F8: variants seen among roughly 807,000 people sequenced by gnomAD.
F8 encodes coagulation factor VIII, also known as antihemophilic factor.
In F8, 12 loss-of-function variants were observed where a neutral mutation model predicts 140.6. The observed-to-expected ratio is 0.09, with a 90% CI of 0.05 to 0.14. The LOEUF is 0.14. F8 is among the 10% of genes least tolerant of loss of function. The pLI is 1.00. For missense variants in F8, 1,354 were observed against 1,720.7 expected, an observed-to-expected ratio of 0.79 and a Z score of 3.77; for synonymous variants, 585 against 614.6, an observed-to-expected ratio of 0.95 and a Z score of 0.71.
intron 22 of F8, among the ~76,000 whole-genome samples, chrX:154,893,849 ATC>A (rs2072964133): frequency 8.9e-6 from 1 of 111,928 alleles, no homozygotes; most frequent in African/African-American, 3.2e-5. Flanking sequence ...ACTGTAAAGA[ATC>A]TCTATTAACA....
intron 13 of F8, among the ~76,000 whole-genome samples, chrX:154,937,310 G>A (rs1557279309): frequency 9.1e-6 from 1 of 109,661 alleles, no homozygotes; most frequent in African/African-American, 3.3e-5. Flanking sequence ...ATGACCTGAT[G>A]AACAAAGCAA....
intron 13 of F8, among the ~76,000 whole-genome samples, chrX:154,935,043 G>A (rs1182468880): frequency 9.1e-6 from 1 of 110,037 alleles, no homozygotes; most frequent in East Asian, 2.9e-4. Context: ...CATGCCTGTA[G>A]TCCCACTACT....
chrX:154,994,121 G>A (rs1303050810), intron 3 of F8, among the ~76,000 whole-genome samples: 1 of 112,319 alleles, frequency 8.9e-6, no homozygotes, highest in East Asian at 2.8e-4. Context: ...TTGAAAGACA[G>A]ATATATTTGT....
At chrX:154,995,381 A>T (rs2073611116) in intron 3 of F8, among the ~76,000 whole-genome samples, 1 of 111,830 alleles carries the variant, frequency 8.9e-6, no homozygotes, top group African/African-American at 3.3e-5. Context: ...CTGAGGTGAG[A>T]TACCATTCAG....
intron 7 of F8, among the ~76,000 whole-genome samples, 185 bp from the exon 8 acceptor site, chrX:154,966,872 G>A (rs1475876025): frequency 9.1e-6 from 1 of 109,474 alleles, no homozygotes. Flanking sequence ...CAATCATGGG[G>A]GTAGGTGAAG....
chrX:154,994,001 G>C (rs2073603159), intron 3 of F8, among the ~76,000 whole-genome samples: 1 of 112,286 alleles, frequency 8.9e-6, no homozygotes, highest in Non-Finnish European at 1.9e-5. Context: ...TAAAGATCAA[G>C]ATAGAAGTCT....
chrX:154,940,278 A>G (rs1328690983), intron 13 of F8, among the ~76,000 whole-genome samples: 1 of 111,627 alleles, frequency 9.0e-6, no homozygotes, highest in Admixed American at 9.5e-5. Context: ...AAAAAATTAG[A>G]CGAATGGACA....
Position 154,930,425 on chromosome X carries a change from G to A in F8, c.3365C>T (p.Pro1122Leu), listed in dbSNP as rs1557278661. 8.3e-7 allele frequency: 1 copy of A among 1,211,237 alleles called. No homozygotes were observed. Among genetic ancestry groups the A allele is most frequent in the Admixed American group, 2.2e-5 (1 of 45,959 alleles). The change falls in exon 14 of 26, where the codon CCA (proline) becomes CTA (leucine). Residue 1122 changes from proline to leucine, a missense_variant. Transcript: ENST00000360256. ...DMSFFKMLFLPESARWIQRTH... is the reference protein window; with the variant it reads ...DMSFFKMLFLLESARWIQRTH... The stretch of plus-strand genomic sequence containing the variant: ...CCTTTGTATCCACCTTGCTGATTCT[G>A]GCAAGAATAGCATCTTAAAGAACGA...
intron 25 of F8, among the ~76,000 whole-genome samples, chrX:154,860,171 G>A (rs782527390): frequency 9.0e-6 from 1 of 111,478 alleles, no homozygotes; most frequent in South Asian, 3.8e-4. Flanking sequence ...AAACTTAAAG[G>A]TCAAAAAGGC....
At chrX:154,856,044 C>T (rs2072649188) in intron 25 of F8, among the ~76,000 whole-genome samples, 1 of 112,078 alleles carries the variant, frequency 8.9e-6, no homozygotes, top group Admixed American at 9.5e-5. Flanking sequence ...AGGAAGGCCT[C>T]TAACAGTTTA....
chrX:154,962,779 T>A lies in F8; in HGVS notation c.1444-1611A>T, dbSNP rs140570407. Among the ~76,000 whole-genome samples the A allele has an allele frequency of 2.0e-3, 219 of 110,017 alleles. 1 individual carries two copies. The highest frequency in any genetic ancestry group is 7.0e-3 in the African/African-American group (212 of 30,140). ...TACTTGGGAGGCTGAGGTGGGAGGA[T>A]CACTTCAGCCCAGGAAGTTGAGGCT... is the stretch of plus-strand genomic sequence containing the variant. On this transcript the variant is annotated intron_variant, in intron 9 of 25. Coordinates refer to ENST00000360256, the MANE Select transcript of F8 (RefSeq NM_000132.4).
chrX:155,005,618 T>C (rs2070338593), intron 1 of F8, among the ~76,000 whole-genome samples: 1 of 111,994 alleles, frequency 8.9e-6, no homozygotes, highest in Non-Finnish European at 1.9e-5. Context: ...CCAGAACTTA[T>C]GAAGCAAATG....
chrX:154,849,232 T>C (rs190697594), intron 25 of F8, among the ~76,000 whole-genome samples: 1 of 110,455 alleles, frequency 9.1e-6, no homozygotes, highest in East Asian at 2.8e-4. Context: ...TGCCTCGGCC[T>C]CCCAAAGTGC....
At chrX:154,847,690 C>CT (rs1171623439) in intron 25 of F8, among the ~76,000 whole-genome samples, 6 of 101,773 alleles carry the variant, frequency 5.9e-5, no homozygotes, top group Non-Finnish European at 8.1e-5. Context: ...TTCATCTAAC[C>CT]TTTTTTTTCA....
chrX:154,950,605 T>A (rs958541379), intron 12 of F8, among the ~76,000 whole-genome samples: 2 of 112,239 alleles, frequency 1.8e-5, no homozygotes, highest in Non-Finnish European at 3.8e-5. Flanking sequence ...CATCACAATG[T>A]TTATATATGT....
chrX:154,984,400 T>C (rs2073546014), intron 6 of F8, among the ~76,000 whole-genome samples: 1 of 112,152 alleles, frequency 8.9e-6, no homozygotes, highest in Non-Finnish European at 1.9e-5. Context: ...ATCCCTTCCA[T>C]ATTTTAGGTT....
Position 154,966,406 on chromosome X carries a change from AAT to A in F8, c.1271+18_1271+19del, listed in dbSNP as rs782269178. ...TTGAGTATGGGGAAGAGAGAGTACC[AAT>A]AGTCAAAAAGTGCTTACCTGTCATC... On this transcript the variant is annotated intron_variant, in intron 8 of 25. Transcript: ENST00000360256. 1 of 1,209,723 alleles carries A rather than the reference AAT, an allele frequency of 8.3e-7. No homozygotes were observed. Among genetic ancestry groups the A allele is most frequent in the Admixed American group, 2.2e-5 (1 of 45,903 alleles).
At chrX:154,936,023 CAA>C (rs1557279210) in intron 13 of F8, among the ~76,000 whole-genome samples, 65 of 93,713 alleles carry the variant, frequency 6.9e-4, no homozygotes, top group East Asian at 3.8e-3. Flanking sequence ...CACACACACA[CAA>C]AAATCAAAGT....
chrX:154,949,925 T>C (rs1217397645), intron 12 of F8, among the ~76,000 whole-genome samples: 1 of 110,821 alleles, frequency 9.0e-6, no homozygotes, highest in Non-Finnish European at 1.9e-5. Flanking sequence ...CGCCACCATG[T>C]CCAGCTAATT....
Sources: gnomAD v4.1 joint callset for allele counts (sites outside exome capture counted in the v4.1 genomes callset) on GRCh38, gnomAD v4.1.1 for gene constraint, MANE v1.5 for transcripts, NCBI Gene and HGNC (gene_info 2026-07-23, HGNC 2026-07-21) for gene names.